Variants in HAPLN1 observed in about 807,000 individuals in gnomAD.
HAPLN1 encodes Cartilage link protein.
HAPLN1 carries 13 observed loss-of-function variants against 36.5 expected under a neutral mutation model. That is an observed-to-expected ratio of 0.36 (90% CI 0.23 to 0.57). The LOEUF (loss-of-function observed/expected upper bound fraction) is 0.57. HAPLN1 is among the 20% of genes least tolerant of loss of function. The pLI, the probability that HAPLN1 is intolerant of heterozygous loss-of-function variation, is 0.83. For missense variants in HAPLN1, 407 were observed against 439.7 expected (o/e 0.93, Z 0.66); for synonymous variants, 202 against 169.8 (o/e 1.19, Z -1.48).
At chr5:83,675,611 G>A (rs1301484849) in intron 1 of HAPLN1, among the ~76,000 whole-genome samples, 3 of 152,062 alleles carry the variant, frequency 2.0e-5, no homozygotes, top group Non-Finnish European at 4.4e-5. Flanking sequence ...CCATACCATA[G>A]TATTTAAAAT....
rs73133876 is a variant in HAPLN1 at position 83,693,566 on chromosome 5, C to G, written c.-26-20017G>C. Among the ~76,000 whole-genome samples the G allele has an allele frequency of 5.9e-3, 826 of 140,622 alleles. 8 individuals are homozygous for G. Among genetic ancestry groups the G allele is most frequent in the African/African-American group, 0.019 (785 of 40,436 alleles). 92.3% of individuals were successfully genotyped at this position (140,622 alleles called of 152,430 possible). ...GATTGTCAGGTTGGATTTAAAAGAA[C>G]CACTATATGTTTTTTAAGATAATCT... On this transcript the variant is annotated intron_variant, in intron 1 of 4. Coordinates refer to ENST00000274341, the MANE Select transcript of HAPLN1 (RefSeq NM_001884.4).
intron 1 of HAPLN1, among the ~76,000 whole-genome samples, chr5:83,700,055 A>G (rs1317035580): frequency 2.0e-5 from 3 of 151,984 alleles, no homozygotes; most frequent in Non-Finnish European, 4.4e-5. Flanking sequence ...TTAGCTGGGC[A>G]TGGTGGCTCA....
rs558373499 is a variant in HAPLN1 at position 83,646,594 on chromosome 5, G to A, written c.473-1929C>T. On this transcript the variant is annotated intron_variant, in intron 3 of 4. Coordinates refer to ENST00000274341, the MANE Select transcript of HAPLN1 (RefSeq NM_001884.4). ...AGGCAGAGACCCAAGAAGGCTTCCT[G>A]ATCTCATTCTGCCTTCTCAGGTTCT... 2.0e-5 allele frequency among the ~76,000 whole-genome samples: 3 copies of A among 152,342 alleles called. No individual in the cohort carries two copies. In the East Asian group the frequency reaches 5.8e-4, roughly 29 times the overall value.
At chr5:83,716,406 T>G (rs1348020022) in intron 1 of HAPLN1, among the ~76,000 whole-genome samples, 1 of 152,208 alleles carries the variant, frequency 6.6e-6, no homozygotes, top group East Asian at 1.9e-4. Context: ...TTTTGTTTTG[T>G]AAATAGTCTC....
At chr5:83,713,004 A>G (rs765093336) in intron 1 of HAPLN1, among the ~76,000 whole-genome samples, 39 of 152,094 alleles carry the variant, frequency 2.6e-4, no homozygotes, top group Non-Finnish European at 5.3e-4. Flanking sequence ...TTATAAATAG[A>G]CTTGAATTAG....
intron 1 of HAPLN1, among the ~76,000 whole-genome samples, chr5:83,700,895 C>T (rs951104258): frequency 1.3e-5 from 2 of 152,134 alleles, no homozygotes; most frequent in African/African-American, 2.4e-5. Flanking sequence ...TAAAGTTTTT[C>T]AACTCTGCAT....
intron 1 of HAPLN1, among the ~76,000 whole-genome samples, chr5:83,678,220 G>GGGGTGTGT (rs1554049526): frequency 4.3e-4 from 62 of 142,640 alleles, no homozygotes; most frequent in African/African-American, 1.5e-3. Context: ...CTATAGTTTG[G>GGGGTGTGT]GTGTGTGTGT....
chr5:83,655,073 T>C (rs1292703796), intron 2 of HAPLN1, among the ~76,000 whole-genome samples: 2 of 152,224 alleles, frequency 1.3e-5, no homozygotes, highest in South Asian at 4.1e-4. Flanking sequence ...ATATTAGTCT[T>C]CCATAATTTC....
chr5:83,698,215 T>TTCTATG (rs1204837212), intron 1 of HAPLN1, among the ~76,000 whole-genome samples: 1 of 152,138 alleles, frequency 6.6e-6, no homozygotes, highest in Non-Finnish European at 1.5e-5. Context: ...TCCAACTTCA[T>TTCTATG]TCTATGTCTG....
In HAPLN1 at chr5:83,644,542, C is replaced by T. The variant is rs746302136; in HGVS notation, c.596G>A (p.Arg199Gln). 6.2e-6 allele frequency: 10 copies of T among 1,608,710 alleles called. No individual in the cohort carries two copies. The highest frequency in any genetic ancestry group is 3.3e-5 in the South Asian group (3 of 90,186). ...GGCATTGCACCAGTCCAGCCCGCCC[C>T]GCCAGGCGTCGTACAGCTGGTCGAA... ...ASFDQLYDAW[R>Q]GGLDWCNAGW... is the part of the protein sequence containing the mutation. Residue 199 changes from arginine to glutamine, a missense_variant, in exon 4 of 5, where the codon CGG becomes CAG. Physicochemically the swap from Arg to Gln is conservative, Grantham distance 43. Coordinates refer to ENST00000274341, the MANE Select transcript of HAPLN1 (RefSeq NM_001884.4).
At position 83,644,641 on chromosome 5, in the gene HAPLN1, C is replaced by A. The variant is rs773037636; in HGVS notation, c.497G>T (p.Arg166Leu). The A allele has an allele frequency of 1.4e-6, 2 of 1,477,308 alleles. No individual in the cohort carries two copies. The highest frequency in any genetic ancestry group is 1.4e-5 in the South Asian group (1 of 69,482). The allele number at this position is 1,477,308 out of a possible 1,614,324, so 91.5% of individuals were successfully genotyped here. ...LQGVVFPYFP[R>L]LGRYNLNFHE... ...AAAATTGAGATTGTAGCGCCCCAGT[C>A]GTGGAAAGTAAGGGAATACCACACC... Residue 166 changes from arginine to leucine, a missense_variant, in exon 4 of 5, where the codon CGA becomes CTA. Transcript: ENST00000274341.
intron 1 of HAPLN1, among the ~76,000 whole-genome samples, chr5:83,706,776 A>G (rs887515929): frequency 6.6e-6 from 1 of 152,228 alleles, no homozygotes; most frequent in Non-Finnish European, 1.5e-5. Context: ...AAATAGGAAG[A>G]GAGGAAGTCA....
chr5:83,706,903 A>C (rs2112634804), intron 1 of HAPLN1, among the ~76,000 whole-genome samples: 1 of 152,304 alleles, frequency 6.6e-6, no homozygotes, highest in Non-Finnish European at 1.5e-5. Context: ...GTAAACATAC[A>C]AAAATCACTA....
intron 1 of HAPLN1, among the ~76,000 whole-genome samples, chr5:83,681,724 A>C (rs1154889): frequency 0.4 from 60,935 of 151,974 alleles, 12,562 homozygotes; most frequent in African/African-American, 0.45. Flanking sequence ...TGCCCACGCT[A>C]TACATCATTT....
intron 1 of HAPLN1, among the ~76,000 whole-genome samples, chr5:83,713,423 C>T (rs1223555106): frequency 1.3e-5 from 2 of 152,130 alleles, no homozygotes; most frequent in African/African-American, 4.8e-5. Context: ...TAAATTCATG[C>T]ATTAATCATG....
At chr5:83,664,431 G>T (rs1750499654) in intron 2 of HAPLN1, among the ~76,000 whole-genome samples, 1 of 151,868 alleles carries the variant, frequency 6.6e-6, no homozygotes, top group Non-Finnish European at 1.5e-5. Flanking sequence ...CACCCAGGCT[G>T]GAGTGCAGTG....
chr5:83,673,486 C>A lies in HAPLN1; in HGVS notation c.38G>T (p.Cys13Phe). 1.9e-6 allele frequency: 3 copies of A among 1,613,780 alleles called. No homozygotes were observed. The highest frequency in any genetic ancestry group is 1.1e-5 in the South Asian group (1 of 91,020). ...GTTGTCTGAAAGATGATCAGCCCAG[C>A]AGATTGAAATCAGCACCAGAAGAAG... is the stretch of plus-strand genomic sequence containing the variant. ...SLLLLVLISI[C>F]WADHLSDNYT... The change falls in exon 2 of 5, where the codon TGC becomes TTC. Residue 13 changes from cysteine to phenylalanine, a missense_variant. Physicochemically the swap from Cys to Phe is radical, Grantham distance 205. Transcript: ENST00000274341.
At position 83,718,631 on chromosome 5, in the gene HAPLN1, G is replaced by T. The variant is rs144732190; in HGVS notation, c.-27+2158C>A. On this transcript the variant is annotated intron_variant, in intron 1 of 4. Transcript: ENST00000274341. The stretch of plus-strand genomic sequence containing the variant: ...GCATTTTGCTACCTTTAAATGACAG[G>T]CTAAGTACACTTAAATGACATAGAC... 6.1e-3 allele frequency among the ~76,000 whole-genome samples: 923 copies of T among 152,098 alleles called. 10 individuals are homozygous for T. Among genetic ancestry groups the T allele is most frequent in the African/African-American group, 0.021 (888 of 41,452 alleles).
At chr5:83,693,744 T>G (rs1022366180) in intron 1 of HAPLN1, among the ~76,000 whole-genome samples, 1 of 151,858 alleles carries the variant, frequency 6.6e-6, no homozygotes, top group Admixed American at 6.6e-5. Context: ...GAGAGCAATT[T>G]CATAATGATA....
Sources: allele counts gnomAD v4.1 joint callset (sites outside exome capture counted in the v4.1 genomes callset), GRCh38; gene constraint gnomAD v4.1.1; transcripts MANE v1.5; gene names NCBI Gene and HGNC (gene_info 2026-07-23, HGNC 2026-07-21).